KDM4C: variants seen among roughly 807,000 people sequenced by gnomAD.
KDM4C encodes the protein lysine-specific demethylase 4C.
KDM4C carries 81 observed loss-of-function variants against 129.3 expected under a neutral mutation model. That is an observed-to-expected ratio of 0.63 (90% CI 0.52 to 0.75). The LOEUF is 0.75. KDM4C is among the 30% of genes least tolerant of loss of function. The pLI is 0.00. For synonymous variants in KDM4C, 573 were observed against 456.1 expected (o/e 1.26, Z -3.26); for missense variants, 1,457 against 1,304.0 (o/e 1.12, Z -1.81).
chr9:6,886,127 T>G (rs1588929452), intron 6 of KDM4C, among the ~76,000 whole-genome samples: 1 of 152,242 alleles, frequency 6.6e-6, no homozygotes, highest in East Asian at 1.9e-4. Flanking sequence ...TGCCCTTCTC[T>G]GTGTGTAGGA....
At chr9:7,089,830 C>T (rs1835585472) in intron 17 of KDM4C, among the ~76,000 whole-genome samples, 2 of 152,222 alleles carry the variant, frequency 1.3e-5, no homozygotes, top group Non-Finnish European at 2.9e-5. Flanking sequence ...TCGGCCTTTC[C>T]TTTGCTCAGA....
chr9:6,867,783 C>T (rs1346531032), intron 5 of KDM4C, among the ~76,000 whole-genome samples: 1 of 152,318 alleles, frequency 6.6e-6, no homozygotes, highest in Middle Eastern at 3.4e-3. Context: ...ATGGCTTCTA[C>T]TTATGAAACT....
intron 18 of KDM4C, among the ~76,000 whole-genome samples, chr9:7,118,039 GA>G (rs1839103748): frequency 6.6e-6 from 1 of 152,208 alleles, no homozygotes; most frequent in Admixed American, 6.6e-5. Context: ...TATAGCTAAA[GA>G]TGGTTCTCTC....
intron 17 of KDM4C, among the ~76,000 whole-genome samples, chr9:7,096,652 A>G (rs764265522): frequency 1.3e-5 from 2 of 152,202 alleles, no homozygotes; most frequent in African/African-American, 2.4e-5. Context: ...TAGCTCGTAT[A>G]CTGTGACAGG....
At chr9:7,041,662 G>A (rs1286148124) in intron 15 of KDM4C, among the ~76,000 whole-genome samples, 2 of 151,832 alleles carry the variant, frequency 1.3e-5, no homozygotes, top group East Asian at 1.9e-4. Flanking sequence ...TTTCTCTTAG[G>A]TTCCTACAGT....
intron 19 of KDM4C, among the ~76,000 whole-genome samples, chr9:7,141,070 T>A (rs1841693242): frequency 6.6e-6 from 1 of 152,200 alleles, no homozygotes; most frequent in South Asian, 2.1e-4. Context: ...GTTGGGGTTT[T>A]ATTCTAAAAG....
At chr9:7,004,713 C>T (rs1216215509) in intron 12 of KDM4C, among the ~76,000 whole-genome samples, 2 of 152,054 alleles carry the variant, frequency 1.3e-5, no homozygotes, top group Non-Finnish European at 2.9e-5. Context: ...CTTTTATTTT[C>T]CCTACAAGGC....
At chr9:7,017,134 A>T (rs538766065) in intron 15 of KDM4C, among the ~76,000 whole-genome samples, 1 of 152,244 alleles carries the variant, frequency 6.6e-6, no homozygotes, top group South Asian at 2.1e-4. Context: ...ACAAGGTCTC[A>T]CTATGTTGCC....
At chr9:7,028,688 T>A (rs1826211243) in intron 15 of KDM4C, among the ~76,000 whole-genome samples, 1 of 152,004 alleles carries the variant, frequency 6.6e-6, no homozygotes, top group Non-Finnish European at 1.5e-5. Context: ...CTGCCTTTCA[T>A]GTTTATTTCG....
intron 8 of KDM4C, among the ~76,000 whole-genome samples, chr9:6,919,218 T>TTTCTTTC (rs1563811978): frequency 7.9e-5 from 6 of 75,910 alleles, no homozygotes; most frequent in African/African-American, 2.3e-4. Flanking sequence ...TGAATTTTCT[T>TTTCTTTC]TTTCCTTCTT....
At chr9:6,847,709 A>G (rs1333728369) in intron 4 of KDM4C, among the ~76,000 whole-genome samples, 2 of 152,086 alleles carry the variant, frequency 1.3e-5, no homozygotes, top group African/African-American at 2.4e-5. Flanking sequence ...CTAAACGGAT[A>G]CTTTGACCAG....
At chr9:6,756,204 A>C (rs1818265585), upstream of KDM4C, among the ~76,000 whole-genome samples, 1 of 152,246 alleles carries the variant, frequency 6.6e-6, no homozygotes, top group African/African-American at 2.4e-5. Context: ...TGTAACAATG[A>C]GGTATTAATA....
chr9:6,949,659 C>T (rs56722061), intron 8 of KDM4C, among the ~76,000 whole-genome samples: 8,581 of 152,162 alleles, frequency 0.056, 482 homozygotes, highest in African/African-American at 0.14. Context: ...GCCAACACAG[C>T]GAAACCCCGT....
At chr9:6,850,241 T>A (rs1451777936) in intron 5 of KDM4C, among the ~76,000 whole-genome samples, 1 of 152,212 alleles carries the variant, frequency 6.6e-6, no homozygotes, top group Non-Finnish European at 1.5e-5. Context: ...GATGCATGAC[T>A]GTATATGTAA....
intron 4 of KDM4C, among the ~76,000 whole-genome samples, chr9:6,815,333 C>T (rs1340171788): frequency 6.6e-6 from 1 of 151,728 alleles, no homozygotes; most frequent in African/African-American, 2.4e-5. Flanking sequence ...TCTTTTGAAA[C>T]CTTCTATGCC....
At chr9:7,149,866 G>A (rs577957120) in intron 19 of KDM4C, among the ~76,000 whole-genome samples, 2 of 152,320 alleles carry the variant, frequency 1.3e-5, no homozygotes, top group South Asian at 4.1e-4. Context: ...ACTGAAAGAA[G>A]GATCTAAGAG....
upstream of KDM4C, among the ~76,000 whole-genome samples, chr9:6,755,404 T>C (rs1818208808): frequency 6.7e-6 from 1 of 149,134 alleles, no homozygotes; most frequent in Admixed American, 6.7e-5. Flanking sequence ...AGCTGGGCAT[T>C]ATGGCACATG....
chr9:6,922,899 C>T (rs1821795971), intron 8 of KDM4C, among the ~76,000 whole-genome samples: 1 of 152,250 alleles, frequency 6.6e-6, no homozygotes, highest in Non-Finnish European at 1.5e-5. Flanking sequence ...GCCACTTAAA[C>T]TGTGCGTTAG....
intron 19 of KDM4C, among the ~76,000 whole-genome samples, chr9:7,156,494 A>T (rs1046725075): frequency 1.3e-5 from 2 of 152,194 alleles, no homozygotes; most frequent in Admixed American, 6.5e-5. Context: ...TAGGTCTAAC[A>T]TTTAAGTCTT....
Sources: allele counts gnomAD v4.1 joint callset (sites outside exome capture counted in the v4.1 genomes callset), GRCh38; gene constraint gnomAD v4.1.1; transcripts MANE v1.5; gene names NCBI Gene and HGNC (gene_info 2026-07-23, HGNC 2026-07-21).